The following XIRP2 variants were observed in gnomAD, a reference collection of about 807,000 sequenced individuals.
The protein encoded by XIRP2 is xin actin-binding repeat-containing protein 2.
A neutral mutation model predicts 277.0 loss-of-function variants in XIRP2; 236 were observed. The observed-to-expected ratio is 0.85, with a 90% CI of 0.77 to 0.95. The LOEUF (loss-of-function observed/expected upper bound fraction) is 0.95. XIRP2 is among the 40% of genes least tolerant of loss of function. The probability of loss-of-function intolerance (pLI) is 0.00; values close to 1 mark genes in which losing one functional copy is unlikely to be tolerated. For missense variants in XIRP2, 4,640 were observed against 4,157.5 expected (o/e 1.12, Z -3.19); for synonymous variants, 1,490 against 1,416.5 (o/e 1.05, Z -1.17).
At chr2:167,116,670 AT>A (rs1348873982) in intron 2 of XIRP2, among the ~76,000 whole-genome samples, 1 of 152,138 alleles carries the variant, frequency 6.6e-6, no homozygotes, top group East Asian at 1.9e-4. Context: ...GAATTTTGTT[AT>A]TTTTTATGTT....
At chr2:167,114,602 C>A (rs545651812) in intron 2 of XIRP2, among the ~76,000 whole-genome samples, 29 of 151,926 alleles carry the variant, frequency 1.9e-4, no homozygotes, top group African/African-American at 5.3e-4. Flanking sequence ...CCCTTCCCCC[C>A]ACCCCACAAC....
chr2:167,060,915 A>G (rs1429023093), intron 2 of XIRP2, among the ~76,000 whole-genome samples: 1 of 152,114 alleles, frequency 6.6e-6, no homozygotes, highest in African/African-American at 2.4e-5. Flanking sequence ...GAAAACTTGA[A>G]AAGATTTTCA....
chr2:167,193,009 A>G (rs1318897484), intron 3 of XIRP2, among the ~76,000 whole-genome samples: 1 of 152,166 alleles, frequency 6.6e-6, no homozygotes, highest in Non-Finnish European at 1.5e-5. Context: ...GCTTTCAGTC[A>G]CTGACTGATT....
intron 3 of XIRP2, among the ~76,000 whole-genome samples, chr2:167,201,236 A>AGG (rs1693693707): frequency 3.9e-5 from 4 of 103,864 alleles, no homozygotes; most frequent in Admixed American, 2.8e-4. Context: ...GAAAGAAAGA[A>AGG]AGAAAGAAAG....
chr2:166,930,246 G>A (rs572136855), intron 2 of XIRP2, among the ~76,000 whole-genome samples: 5 of 152,204 alleles, frequency 3.3e-5, no homozygotes, highest in East Asian at 1.9e-4. Flanking sequence ...AATGTCAGAC[G>A]TCACAGTGAT....
At position 167,257,851 on chromosome 2, in the gene XIRP2, T is replaced by C. The variant is rs971677307; in HGVS notation, c.*40-6T>C. ...AACTGCTAAGTGTTCTTTTTCTTTT[T>C]GGCAGTTTGGGAAATTATGCATCAC... On this transcript the variant is annotated splice_polypyrimidine_tract_variant and splice_region_variant and intron_variant, in intron 10 of 10. Coordinates refer to ENST00000409195, the MANE Select transcript of XIRP2 (RefSeq NM_152381.6). The C allele has an allele frequency of 3.2e-6, 5 of 1,581,608 alleles. No individual in the cohort carries two copies. In the South Asian group the frequency reaches 5.9e-5, roughly 19 times the overall value.
intron 2 of XIRP2, among the ~76,000 whole-genome samples, chr2:166,926,635 C>T (rs182745038): frequency 1.3e-5 from 2 of 152,210 alleles, no homozygotes; most frequent in East Asian, 1.9e-4. Flanking sequence ...AGATTTGAGT[C>T]ACTTTTTCAA....
chr2:167,212,180 G>A (rs1364185442), intron 4 of XIRP2, among the ~76,000 whole-genome samples: 1 of 152,176 alleles, frequency 6.6e-6, no homozygotes, highest in East Asian at 1.9e-4. Context: ...AGTGACATAA[G>A]TATCTAGATC....
chr2:166,940,385 G>A (rs1028776954), intron 2 of XIRP2, among the ~76,000 whole-genome samples: 2 of 152,278 alleles, frequency 1.3e-5, no homozygotes, highest in East Asian at 1.9e-4. Flanking sequence ...TTTGCGATGG[G>A]TTTGAACTTC....
At chr2:166,924,636 A>G (rs1390189455) in intron 2 of XIRP2, among the ~76,000 whole-genome samples, 3 of 152,042 alleles carry the variant, frequency 2.0e-5, no homozygotes, top group Admixed American at 6.6e-5. Context: ...TTGAATGAGA[A>G]GAGGTTTCTT....
chr2:167,254,301 C>A, intron 10 of XIRP2, 136 bp downstream of exon 10: 2 of 1,109,378 alleles, frequency 1.8e-6, no homozygotes, highest in Non-Finnish European at 2.4e-6. Flanking sequence ...GGGAGATTTG[C>A]TCATGTTCTG....
At chr2:167,014,605 T>A (rs1284063392) in intron 2 of XIRP2, among the ~76,000 whole-genome samples, 2 of 151,334 alleles carry the variant, frequency 1.3e-5, no homozygotes, top group African/African-American at 4.9e-5. Context: ...AGCAACCCAA[T>A]AGGACATCAG....
intron 3 of XIRP2, among the ~76,000 whole-genome samples, chr2:167,141,529 A>G (rs376388206): frequency 6.6e-6 from 1 of 152,318 alleles, no homozygotes; most frequent in East Asian, 1.9e-4. Flanking sequence ...CATGATGGAA[A>G]TTCCTAATTT....
intron 2 of XIRP2, among the ~76,000 whole-genome samples, chr2:166,937,621 G>A (rs150002676): frequency 4.6e-5 from 7 of 152,128 alleles, no homozygotes; most frequent in Admixed American, 4.6e-4. Context: ...AAATGAGTTA[G>A]GGAGGATTCC....
chr2:167,167,966 A>G (rs938065679), intron 3 of XIRP2, among the ~76,000 whole-genome samples: 1 of 152,176 alleles, frequency 6.6e-6, no homozygotes, highest in Admixed American at 6.5e-5. Context: ...AATCAGAGAA[A>G]GTATTTCCTC....
intron 2 of XIRP2, among the ~76,000 whole-genome samples, chr2:166,914,767 T>A (rs532236017): frequency 1.7e-4 from 26 of 152,204 alleles, no homozygotes; most frequent in Non-Finnish European, 3.1e-4. Flanking sequence ...TATATGATTG[T>A]GGAGTTTTTC....
chr2:167,071,304 G>A (rs1200290925), intron 2 of XIRP2, among the ~76,000 whole-genome samples: 1 of 152,060 alleles, frequency 6.6e-6, no homozygotes, highest in Non-Finnish European at 1.5e-5. Context: ...ACACAGAAAA[G>A]TTAATGAATT....
chr2:167,165,499 C>A (rs145187740), intron 3 of XIRP2, among the ~76,000 whole-genome samples: 1 of 152,308 alleles, frequency 6.6e-6, no homozygotes, highest in Non-Finnish European at 1.5e-5. Flanking sequence ...CACATCTCCA[C>A]CAGAATTTGA....
intron 2 of XIRP2, among the ~76,000 whole-genome samples, chr2:167,030,930 T>C (rs1688328076): frequency 6.6e-6 from 1 of 152,164 alleles, no homozygotes; most frequent in African/African-American, 2.4e-5. Context: ...CATTGATCCC[T>C]TTACCATTAC....
Sources: gnomAD v4.1 joint callset for allele counts (sites outside exome capture counted in the v4.1 genomes callset) on GRCh38, gnomAD v4.1.1 for gene constraint, MANE v1.5 for transcripts, NCBI Gene and HGNC (gene_info 2026-07-23, HGNC 2026-07-21) for gene names.